The following MAEL variants were observed in gnomAD, a reference collection of about 807,000 sequenced individuals.
The protein encoded by MAEL is protein maelstrom homolog.
MAEL carries 46 observed loss-of-function variants against 62.0 expected under a neutral mutation model. The observed-to-expected ratio is 0.74, with a 90% CI of 0.59 to 0.95. The LOEUF (loss-of-function observed/expected upper bound fraction) is 0.95, where lower values mean the gene tolerates loss of function less well. MAEL is among the 40% of genes least tolerant of loss of function. The probability of loss-of-function intolerance (pLI) is 0.00; values close to 1 mark genes in which losing one functional copy is unlikely to be tolerated. For missense variants in MAEL, 497 were observed against 526.8 expected (o/e 0.94, Z 0.55); for synonymous variants, 172 against 175.5 (o/e 0.98, Z 0.16).
At chr1:166,976,309 G>A (rs1402797879) in intron 1 of MAEL, among the ~76,000 whole-genome samples, 4 of 152,184 alleles carry the variant, frequency 2.6e-5, no homozygotes, top group African/African-American at 9.7e-5. Context: ...TGTATGATTT[G>A]CTTAAGAAAT....
chr1:166,984,655 G>A (rs1663860818), upstream of MAEL, among the ~76,000 whole-genome samples: 1 of 152,114 alleles, frequency 6.6e-6, no homozygotes, highest in Non-Finnish European at 1.5e-5. Context: ...AATCCCTGTT[G>A]ATCACTCCAA....
Position 167,021,174 on chromosome 1 carries a change from A to G in MAEL, c.1117+14A>G, listed in dbSNP as rs1557990705. The stretch of plus-strand genomic sequence containing the variant: ...ACACACCCATTGGTAAGCAACTTAT[A>G]TTTTACAAAAATGCACCTAAAGGAT... On this transcript the variant is annotated intron_variant, in intron 11 of 11. Transcript: ENST00000367872. 2 of 1,592,286 alleles carry G rather than the reference A, an allele frequency of 1.3e-6. No homozygotes were observed. Among genetic ancestry groups the G allele is most frequent in the Non-Finnish European group, 1.7e-6 (2 of 1,161,170 alleles).
intron 5 of MAEL, among the ~76,000 whole-genome samples, chr1:166,995,613 G>A (rs1031850100): frequency 6.6e-6 from 1 of 151,648 alleles, no homozygotes; most frequent in South Asian, 2.1e-4. Flanking sequence ...TTGCTTTAAA[G>A]TGTGAACATA....
chr1:166,979,260 C>T (rs1476517069), intron 1 of MAEL, among the ~76,000 whole-genome samples: 5 of 152,104 alleles, frequency 3.3e-5, no homozygotes, highest in Admixed American at 1.3e-4. Flanking sequence ...CCATTTTTCT[C>T]ATGTAAGTTT....
intron 9 of MAEL, 107 bp downstream of exon 9, chr1:167,016,391 A>G (rs1665389877): frequency 1.0e-6 from 1 of 989,346 alleles, no homozygotes; most frequent in South Asian, 1.4e-5. Flanking sequence ...TGTTTCCACA[A>G]TGCTCTTTCA....
Position 167,005,124 on chromosome 1 carries a change from G to T in MAEL, c.697G>T (p.Ala233Ser), listed in dbSNP as rs757054934. 6.2e-7 allele frequency: 1 copy of T among 1,613,652 alleles called. No homozygotes were observed. The highest frequency in any genetic ancestry group is 2.2e-5 in the East Asian group (1 of 44,858). ...CTGGTGTTTGAAGCATATGGCAAAG[G>T]CATCAGGTAAGTAAAACTCTGGGTT... The part of the protein sequence containing the change: ...VNWCLKHMAK[A>S]SEIRQDLQLL... The change falls in exon 7 of 12, where the codon GCA becomes TCA. Residue 233 changes from alanine (A) to serine (S), a missense_variant. Coordinates refer to ENST00000367872, the MANE Select transcript of MAEL (RefSeq NM_032858.3).
Position 167,022,210 on chromosome 1 carries a change from TA to T in MAEL, c.*359del, listed in dbSNP as rs1665663219. ...ATTGAATATCTGTTATGAAAGGTTC[TA>T]AAATAGTGTTAATCTGTTTCTTCCT... On this transcript the variant is annotated 3_prime_UTR_variant, in exon 12 of 12. Transcript: ENST00000367872. 1 of 165,378 alleles carries T rather than the reference TA, an allele frequency of 6.0e-6. No individual in the cohort carries two copies. The highest frequency in any genetic ancestry group is 1.9e-4 in the South Asian group (1 of 5,250). The allele number at this position is 165,378 out of a possible 1,614,324, so 10.2% of individuals were successfully genotyped here. A position where few individuals can be genotyped will look rare whatever the true frequency, so the allele number is the denominator to read the frequency against.
At chr1:166,982,152 T>A (rs1663776890) in intron 1 of MAEL, among the ~76,000 whole-genome samples, 1 of 152,166 alleles carries the variant, frequency 6.6e-6, no homozygotes, top group Non-Finnish European at 1.5e-5. Context: ...TCAGGTTGAG[T>A]TACTAAAGAT....
chr1:166,989,661 C>T (rs1166561760), intron 1 of MAEL, 76 bp from the exon 2 acceptor site: 2 of 1,491,670 alleles, frequency 1.3e-6, no homozygotes, highest in African/African-American at 1.4e-5. Flanking sequence ...TGTAATGCCC[C>T]AGCATCTGCC....
intron 8 of MAEL, among the ~76,000 whole-genome samples, chr1:167,014,843 TG>T (rs1665321315): frequency 6.6e-6 from 1 of 152,076 alleles, no homozygotes; most frequent in Non-Finnish European, 1.5e-5. Flanking sequence ...GATAACATGG[TG>T]AAACCCTGTC....
At chr1:167,015,211 A>G (rs770422445) in intron 8 of MAEL, among the ~76,000 whole-genome samples, 4 of 152,118 alleles carry the variant, frequency 2.6e-5, no homozygotes, top group Admixed American at 1.3e-4. Flanking sequence ...TTGTTTTCTT[A>G]ATTTTTATTT....
intron 5 of MAEL, among the ~76,000 whole-genome samples, chr1:166,997,456 C>T (rs2102081521): frequency 6.6e-6 from 1 of 152,210 alleles, no homozygotes; most frequent in East Asian, 1.9e-4. Context: ...AAATTGTGTG[C>T]AGATACCTGT....
intron 10 of MAEL, 91 bp downstream of exon 10, chr1:167,018,050 T>G: frequency 7.7e-7 from 1 of 1,305,702 alleles, no homozygotes; most frequent in African/African-American, 1.5e-5. Context: ...CAGCCTTTGT[T>G]TGGTTCTTTC....
At chr1:166,997,915 T>C (rs745554190) in intron 5 of MAEL, among the ~76,000 whole-genome samples, 37 of 152,202 alleles carry the variant, frequency 2.4e-4, no homozygotes, top group Admixed American at 9.8e-4. Context: ...TTTTTAACCA[T>C]GTGGATAATC....
chr1:167,018,646 C>T (rs1665495310), intron 10 of MAEL, among the ~76,000 whole-genome samples: 1 of 152,128 alleles, frequency 6.6e-6, no homozygotes. Flanking sequence ...TTAAAATAAA[C>T]ACTTACTGAA....
intron 1 of MAEL, among the ~76,000 whole-genome samples, chr1:166,981,403 G>C (rs533091103): frequency 6.6e-6 from 1 of 152,118 alleles, no homozygotes; most frequent in Non-Finnish European, 1.5e-5. Flanking sequence ...ATGCTATCTA[G>C]AAATTAAAAA....
upstream of MAEL, chr1:166,989,265 G>A (rs1183593489): frequency 6.0e-6 from 9 of 1,497,764 alleles, no homozygotes; most frequent in East Asian, 2.2e-4. Flanking sequence ...GCGTGCGCAG[G>A]CGCCTACCTC....
chr1:167,008,587 CTAAT>C (rs1331233316), intron 8 of MAEL, among the ~76,000 whole-genome samples: 1 of 151,716 alleles, frequency 6.6e-6, no homozygotes, highest in Non-Finnish European at 1.5e-5. Context: ...TATTCTCTTC[CTAAT>C]TAATTTTTGC....
intron 8 of MAEL, among the ~76,000 whole-genome samples, chr1:167,006,771 G>A (rs1490631562): frequency 6.6e-6 from 1 of 150,944 alleles, no homozygotes; most frequent in Admixed American, 6.6e-5. Context: ...GAGTAGTTGG[G>A]ATTACAGGCA....
Sources: gnomAD v4.1 joint callset for allele counts (sites outside exome capture counted in the v4.1 genomes callset) on GRCh38, gnomAD v4.1.1 for gene constraint, MANE v1.5 for transcripts, NCBI Gene and HGNC (gene_info 2026-07-23, HGNC 2026-07-21) for gene names.